Variants in POP4 observed in about 807,000 individuals in gnomAD.
POP4 encodes POP4 ribonuclease P/MRP subunit, also known as ribonuclease P protein subunit p29.
Under a neutral mutation model 29.9 loss-of-function variants are expected in POP4, and 31 were observed. The observed-to-expected ratio is 1.04, with a 90% CI of 0.78 to 1.40. The LOEUF (loss-of-function observed/expected upper bound fraction) is 1.40. Ranked by LOEUF, POP4 falls within the 40% of genes most tolerant of loss-of-function variation. The probability of loss-of-function intolerance (pLI) is 0.00; values close to 1 mark genes in which losing one functional copy is unlikely to be tolerated. For synonymous variants in POP4, 110 were observed against 108.2 expected (o/e 1.02, Z -0.10); for missense variants, 286 against 282.7 (o/e 1.01, Z -0.08).
At chr19:29,607,464 C>CA (rs1036027938) in intron 1 of POP4, among the ~76,000 whole-genome samples, 5 of 38,990 alleles carry the variant, frequency 1.3e-4, no homozygotes, top group East Asian at 6.4e-4. Context: ...AACAAACAAA[C>CA]AACAAAAAAA....
In POP4 at chr19:29,617,167, G is replaced by T. The variant is rs956833466; in HGVS notation, c.*1787G>T. On this transcript the variant is annotated 3_prime_UTR_variant, in exon 7 of 7. Coordinates refer to ENST00000585603, the MANE Select transcript of POP4 (RefSeq NM_006627.3). ...GGTGCTGTAGCTTCCTAGCCATCCC[G>T]CTCTTACCCGCCCCTCTGCAATGTA... is the stretch of plus-strand genomic sequence containing the variant. The T allele has an allele frequency of 6.6e-6, 1 of 152,162 alleles. No homozygotes were observed. Among genetic ancestry groups the T allele is most frequent in the Non-Finnish European group, 1.5e-5 (1 of 68,040 alleles). 9.4% of individuals were successfully genotyped at this position (152,162 alleles called of 1,614,324 possible). A position where few individuals can be genotyped will look rare whatever the true frequency, so the allele number is the denominator to read the frequency against.
At chr19:29,610,751 G>A (rs560816519) in intron 3 of POP4, 119 bp downstream of exon 3, 34 of 1,010,416 alleles carry the variant, frequency 3.4e-5, no homozygotes, top group Admixed American at 2.0e-4. Flanking sequence ...CCTCTCTGTC[G>A]TCTGCCACAA....
chr19:29,615,543 G>T lies in POP4; in HGVS notation c.*163G>T. ...TGTTGAACAACATGGGAAGGTCGCA[G>T]CGTACTAAGTGAAGAAGTCAGAGGA... On this transcript the variant is annotated 3_prime_UTR_variant, in exon 7 of 7. Coordinates refer to ENST00000585603, the MANE Select transcript of POP4 (RefSeq NM_006627.3). 1 of 683,350 alleles carries T rather than the reference G, an allele frequency of 1.5e-6. No homozygotes were observed. 42.3% of individuals were successfully genotyped at this position (683,350 alleles called of 1,614,324 possible).
chr19:29,608,986 ACGTGGTGGG>A (rs1178599983), intron 2 of POP4: 1 of 356,364 alleles, frequency 2.8e-6, no homozygotes, highest in Non-Finnish European at 5.2e-6. Context: ...GGCTGTGCCC[ACGTGGTGGG>A]CAGCATCATT....
In POP4 at chr19:29,616,980, G is replaced by T. The variant is rs1169189072; in HGVS notation, c.*1600G>T. 2 of 152,244 alleles carry T rather than the reference G, an allele frequency of 1.3e-5. No individual in the cohort carries two copies. Among genetic ancestry groups the T allele is most frequent in the Admixed American group, 1.3e-4 (2 of 15,284 alleles). 9.4% of individuals were successfully genotyped at this position (152,244 alleles called of 1,614,324 possible). ...TGGACCTAATAGGCTCCAGAACTGT[G>T]CTTTGAGCTACAGGGTGGCTGCAGG... is the stretch of plus-strand genomic sequence containing the variant. On this transcript the variant is annotated 3_prime_UTR_variant, in exon 7 of 7. Coordinates refer to ENST00000585603, the MANE Select transcript of POP4 (RefSeq NM_006627.3).
At position 29,613,948 on chromosome 19, in the gene POP4, A is replaced by T; in HGVS notation, c.502A>T (p.Ile168Phe). ...GGAAACAAAGCACATTTTCAAAATT[A>T]TCACCAAAGAAGACCGCCTGAAAGG... is the stretch of plus-strand genomic sequence containing the variant. ...LQETKHIFKI[I>F]TKEDRLKVIP... The change falls in exon 6 of 7, where the codon ATC (isoleucine) becomes TTC (phenylalanine). Residue 168 changes from isoleucine to phenylalanine, a missense_variant. Ile to Phe is a conservative substitution (Grantham distance 21). Transcript: ENST00000585603. 2 of 1,613,808 alleles carry T rather than the reference A, an allele frequency of 1.2e-6. No individual in the cohort carries two copies. Among genetic ancestry groups the T allele is most frequent in the Non-Finnish European group, 8.5e-7 (1 of 1,179,914 alleles).
chr19:29,606,824 C>T (rs1203046608), intron 1 of POP4, among the ~76,000 whole-genome samples: 1 of 152,074 alleles, frequency 6.6e-6, no homozygotes, highest in Non-Finnish European at 1.5e-5. Context: ...TTCATCTCTG[C>T]CACTTTCTAC....
chr19:29,614,986 T>C lies in POP4; in HGVS notation c.527-258T>C, dbSNP rs545182103. On this transcript the variant is annotated intron_variant, in intron 6 of 6. Coordinates refer to ENST00000585603, the MANE Select transcript of POP4 (RefSeq NM_006627.3). ...GTTTCTGGCAGGTGTTCTGGGACTTTCTGGTTCTGGGAATTTGGTGTATAG... is the reference window on the plus strand; with the variant it reads ...GTTTCTGGCAGGTGTTCTGGGACTTCCTGGTTCTGGGAATTTGGTGTATAG... Among the ~76,000 whole-genome samples the C allele has an allele frequency of 2.6e-5, 4 of 152,286 alleles. No individual in the cohort carries two copies. The East Asian group carries it at 5.8e-4, about 22-fold the overall frequency.
intron 6 of POP4, among the ~76,000 whole-genome samples, chr19:29,615,006 G>GTA (rs1471937662): frequency 6.6e-6 from 1 of 152,140 alleles, no homozygotes; most frequent in African/African-American, 2.4e-5. Flanking sequence ...GGAATTTGGT[G>GTA]TATAGCCTTT....
intron 5 of POP4, among the ~76,000 whole-genome samples, chr19:29,613,446 T>C (rs1033668178): frequency 2.6e-5 from 4 of 152,186 alleles, no homozygotes; most frequent in Non-Finnish European, 5.9e-5. Flanking sequence ...CAGTGCTGGC[T>C]GCTGGGCAGC....
Position 29,615,520 on chromosome 19 carries a change from T to C in POP4, c.*140T>C, listed in dbSNP as rs1971120436. Reference sequence around the variant, plus strand: ...CCAGTGACGCTCCGAGTTGAGGATGTTGAACAACATGGGAAGGTCGCAGCG... The same window carrying C: ...CCAGTGACGCTCCGAGTTGAGGATGCTGAACAACATGGGAAGGTCGCAGCG... On this transcript the variant is annotated 3_prime_UTR_variant, in exon 7 of 7. Coordinates refer to ENST00000585603, the MANE Select transcript of POP4 (RefSeq NM_006627.3). 1.1e-6 allele frequency: 1 copy of C among 869,588 alleles called. No homozygotes were observed. Among genetic ancestry groups the C allele is most frequent in the South Asian group, 2.0e-5 (1 of 49,386 alleles). The allele number at this position is 869,588 out of a possible 1,614,324, so 53.9% of individuals were successfully genotyped here.
At chr19:29,613,737 C>A in intron 5 of POP4, 134 bp from the exon 6 acceptor site, 1 of 1,375,490 alleles carries the variant, frequency 7.3e-7, no homozygotes, top group Non-Finnish European at 9.6e-7. Context: ...GAGCCCCCAC[C>A]CCCTGGGTGC....
intron 3 of POP4, among the ~76,000 whole-genome samples, chr19:29,611,363 G>A (rs560562792): frequency 2.6e-5 from 4 of 152,300 alleles, no homozygotes; most frequent in South Asian, 4.1e-4. Context: ...TGTGGTAACG[G>A]ATTCCCCACA....
chr19:29,612,049 A>G, intron 4 of POP4, 68 bp from the exon 5 acceptor site: 1 of 1,591,124 alleles, frequency 6.3e-7, no homozygotes. Context: ...CAGACGGTTA[A>G]AGACCTAGTT....
intron 1 of POP4, 113 bp from the exon 2 acceptor site, chr19:29,608,544 A>G (rs1054516575): frequency 9.5e-6 from 10 of 1,052,332 alleles, no homozygotes; most frequent in African/African-American, 9.4e-5. Flanking sequence ...TGCTAGGACT[A>G]CAGGTATGAG....
At chr19:29,615,062 T>G (rs10411749) in intron 6 of POP4, among the ~76,000 whole-genome samples, 182 bp from the exon 7 acceptor site, 72,061 of 151,978 alleles carry the variant, frequency 0.47, 17,821 homozygotes, top group East Asian at 0.74. Context: ...TGTGACTAGA[T>G]TGACCTGTGG....
intron 6 of POP4, among the ~76,000 whole-genome samples, chr19:29,614,216 C>T (rs555462630): frequency 9.2e-4 from 140 of 152,348 alleles, no homozygotes; most frequent in South Asian, 3.7e-3. Flanking sequence ...AAGACCTGCT[C>T]GGCTGTGCCT....
chr19:29,611,937 C>CA lies in POP4; in HGVS notation c.361dup (p.Thr121AsnfsTer86). ...ACCTGTGCAGTGGGCTCAAGCCAGA[C>CA]ACGTAAGTTGCATTCCTGAAGCTTT... On this transcript the variant is annotated frameshift_variant and splice_region_variant, in exon 4 of 7. Coordinates refer to ENST00000585603, the MANE Select transcript of POP4 (RefSeq NM_006627.3). LOFTEE classifies it high-confidence loss of function. 6.2e-7 allele frequency: 1 copy of CA among 1,613,744 alleles called. No individual in the cohort carries two copies. The highest frequency in any genetic ancestry group is 8.5e-7 in the Non-Finnish European group (1 of 1,179,598).
chr19:29,613,763 G>C (rs1199754916), intron 5 of POP4, 108 bp from the exon 6 acceptor site: 1 of 1,489,594 alleles, frequency 6.7e-7, no homozygotes, highest in Admixed American at 2.6e-5. Flanking sequence ...TCTTTCATCT[G>C]CTAGCTCAGA....
Sources: allele counts gnomAD v4.1 joint callset (sites outside exome capture counted in the v4.1 genomes callset), GRCh38; gene constraint gnomAD v4.1.1; transcripts MANE v1.5; gene names NCBI Gene and HGNC (gene_info 2026-07-23, HGNC 2026-07-21).